Variants in TOX3 observed in about 807,000 individuals in gnomAD.
TOX3 encodes the protein TOX high mobility group box family member 3.
In TOX3, 22 loss-of-function variants were observed where a neutral mutation model predicts 64.3. The ratio of observed to expected loss-of-function variants is 0.34; its 90% CI spans 0.24 to 0.49. TOX3 has a LOEUF of 0.49. Among genes scored for constraint, TOX3 ranks in the 20% least tolerant of loss-of-function variants. The probability of loss-of-function intolerance (pLI) is 0.99; values close to 1 mark genes in which losing one functional copy is unlikely to be tolerated. For missense variants in TOX3, 661 were observed against 714.4 expected (o/e 0.93, Z 0.85); for synonymous variants, 291 against 273.6 (o/e 1.06, Z -0.63).
intron 1 of TOX3, among the ~76,000 whole-genome samples, chr16:52,493,483 A>G (rs1961755657): frequency 6.6e-6 from 1 of 152,218 alleles, no homozygotes; most frequent in African/African-American, 2.4e-5. Flanking sequence ...GGTGATGCAA[A>G]GCAATAAGGT....
chr16:52,439,800 T>C lies in TOX3; in HGVS notation c.1156A>G (p.Lys386Glu). The C allele has an allele frequency of 6.2e-7, 1 of 1,613,898 alleles. No homozygotes were observed. Among genetic ancestry groups the C allele is most frequent in the Non-Finnish European group, 8.5e-7 (1 of 1,179,854 alleles). Residue 386 changes from lysine (K) to glutamate (E), a missense_variant, in exon 7 of 7, where the codon AAA becomes GAA. Physicochemically the swap from Lys to Glu is moderately conservative, Grantham distance 56. Around this residue, in one of 3 missense-constraint regions of TOX3, gnomAD observed 299 missense variants for 292.1 expected, o/e 1.02. Coordinates refer to ENST00000219746, the MANE Select transcript of TOX3 (RefSeq NM_001080430.4). ...QQSLPRSIAP[K>E]PLTMRLPMNQ... is the part of the protein sequence containing the mutation. ...ATGGGGAGTCTCATGGTTAAGGGTT[T>C]GGGAGCGATTGACCTAGGGAGGGAT...
chr16:52,458,301 A>T (rs1242424040), intron 3 of TOX3, among the ~76,000 whole-genome samples: 1 of 152,168 alleles, frequency 6.6e-6, no homozygotes, highest in Non-Finnish European at 1.5e-5. Context: ...TGGAGCTTCT[A>T]TTCTGGTAGG....
intron 3 of TOX3, among the ~76,000 whole-genome samples, chr16:52,454,247 A>T (rs561723802): frequency 5.5e-4 from 84 of 152,324 alleles, no homozygotes; most frequent in African/African-American, 2.0e-3. Context: ...TTACAAAAAA[A>T]AAAAAGATTA....
chr16:52,463,485 T>G (rs1045069301), intron 3 of TOX3, among the ~76,000 whole-genome samples: 4 of 152,240 alleles, frequency 2.6e-5, no homozygotes, highest in African/African-American at 9.6e-5. Context: ...TTCCCTTTTT[T>G]GGTATCTCAG....
chr16:52,513,522 C>T (rs1047662281), intron 1 of TOX3, among the ~76,000 whole-genome samples: 4 of 152,158 alleles, frequency 2.6e-5, no homozygotes. Context: ...CTATAGTTAA[C>T]ATGGGATAAT....
At chr16:52,467,780 T>A (rs1304367625) in intron 2 of TOX3, among the ~76,000 whole-genome samples, 1 of 152,166 alleles carries the variant, frequency 6.6e-6, no homozygotes, top group Non-Finnish European at 1.5e-5. Context: ...AAATCAATAA[T>A]AGGAAATGCA....
intron 1 of TOX3, among the ~76,000 whole-genome samples, chr16:52,544,477 T>C (rs936285573): frequency 6.6e-6 from 1 of 152,242 alleles, no homozygotes; most frequent in African/African-American, 2.4e-5. Context: ...TCCCTTACAA[T>C]AAGTATAATT....
intron 1 of TOX3, among the ~76,000 whole-genome samples, chr16:52,494,769 C>T (rs1036230983): frequency 6.6e-6 from 1 of 152,244 alleles, no homozygotes; most frequent in African/African-American, 2.4e-5. Flanking sequence ...AGCACTCTTA[C>T]ATCAGATGCA....
intron 1 of TOX3, among the ~76,000 whole-genome samples, chr16:52,489,568 G>A (rs42542): frequency 0.028 from 4,198 of 152,040 alleles, 198 homozygotes; most frequent in African/African-American, 0.097. Context: ...CTTATCCCCT[G>A]GAAAGGTTCT....
At chr16:52,513,130 A>C (rs905113087) in intron 1 of TOX3, among the ~76,000 whole-genome samples, 1 of 152,200 alleles carries the variant, frequency 6.6e-6, no homozygotes, top group African/African-American at 2.4e-5. Flanking sequence ...AGGCACCAAC[A>C]CAAAAGGCTG....
At position 52,439,819 on chromosome 16, in the gene TOX3, G is replaced by A. The variant is rs566980343; in HGVS notation, c.1137C>T (p.Leu379=). ...SASPQTLQQS[L]PRSIAPKPLT... ...AGGGTTTGGGAGCGATTGACCTAGG[G>A]AGGGATTGCTGGAGAGTCTGAGGTG... The change falls in exon 7 of 7, where the codon CTC becomes CTT. Residue 379 remains leucine (L), a synonymous_variant. Coordinates refer to ENST00000219746, the MANE Select transcript of TOX3 (RefSeq NM_001080430.4). The A allele has an allele frequency of 1.4e-5, 22 of 1,613,934 alleles. No individual in the cohort carries two copies. In the African/African-American group the frequency reaches 2.4e-4, roughly 18 times the overall value.
intron 1 of TOX3, among the ~76,000 whole-genome samples, chr16:52,493,258 G>C (rs1204978747): frequency 2.6e-5 from 4 of 152,104 alleles, no homozygotes; most frequent in Non-Finnish European, 5.9e-5. Flanking sequence ...TTTCACCTTG[G>C]ACACGCATAT....
In TOX3 at chr16:52,438,663, T is replaced by G. The variant is rs1959827705; in HGVS notation, c.*562A>C. 1 of 181,666 alleles carries G rather than the reference T, an allele frequency of 5.5e-6. No individual in the cohort carries two copies. Among genetic ancestry groups the G allele is most frequent in the Admixed American group, 5.8e-5 (1 of 17,212 alleles). The allele number at this position is 181,666 out of a possible 1,614,324, so 11.3% of individuals were successfully genotyped here. A position where few individuals can be genotyped will look rare whatever the true frequency, so the allele number is the denominator to read the frequency against. On this transcript the variant is annotated 3_prime_UTR_variant, in exon 7 of 7. Transcript: ENST00000219746. ...CTTGCATTTTTTTTCTGGAGAGATTTAGGAAAAAAAATAAGAGCTTTGGCA... is the reference window on the plus strand; with the variant it reads ...CTTGCATTTTTTTTCTGGAGAGATTGAGGAAAAAAAATAAGAGCTTTGGCA...
At chr16:52,496,733 A>C (rs1961858991) in intron 1 of TOX3, among the ~76,000 whole-genome samples, 1 of 152,206 alleles carries the variant, frequency 6.6e-6, no homozygotes, top group Non-Finnish European at 1.5e-5. Context: ...ATCTGGTCTA[A>C]TGATTTTAAT....
intron 1 of TOX3, among the ~76,000 whole-genome samples, chr16:52,497,890 C>G (rs1961890891): frequency 6.6e-6 from 1 of 152,042 alleles, no homozygotes; most frequent in South Asian, 2.1e-4. Context: ...AAAAAATCAA[C>G]ATTATTCAGC....
chr16:52,514,105 T>C (rs1323942649), intron 1 of TOX3, among the ~76,000 whole-genome samples: 1 of 152,206 alleles, frequency 6.6e-6, no homozygotes, highest in African/African-American at 2.4e-5. Flanking sequence ...CTTGACGTTT[T>C]ATATGCATTA....
intron 4 of TOX3, among the ~76,000 whole-genome samples, chr16:52,448,901 T>TG (rs1960249886): frequency 6.6e-6 from 1 of 152,208 alleles, no homozygotes; most frequent in Non-Finnish European, 1.5e-5. Flanking sequence ...ATGTTCCCCA[T>TG]GGGGGAGAAC....
At chr16:52,466,204 C>T (rs1377206339) in intron 2 of TOX3, among the ~76,000 whole-genome samples, 1 of 152,176 alleles carries the variant, frequency 6.6e-6, no homozygotes, top group African/African-American at 2.4e-5. Context: ...TGGCTGTTTT[C>T]ATTACCACTG....
chr16:52,484,402 T>C (rs1961452059), intron 1 of TOX3, among the ~76,000 whole-genome samples: 1 of 152,282 alleles, frequency 6.6e-6, no homozygotes, highest in East Asian at 1.9e-4. Flanking sequence ...CCAGGTGTTT[T>C]AACATTAGGA....
Sources: allele counts gnomAD v4.1 joint callset (sites outside exome capture counted in the v4.1 genomes callset), GRCh38; gene constraint gnomAD v4.1.1; regional missense constraint gnomAD v4.1.1; transcripts MANE v1.5; gene names NCBI Gene and HGNC (gene_info 2026-07-23, HGNC 2026-07-21).